The following ATXN7L1 variants were observed in gnomAD, a reference collection of about 807,000 sequenced individuals.
ATXN7L1 encodes the protein ataxin 7 like 1, also known as ataxin-7-like protein 1.
Under a neutral mutation model 70.8 loss-of-function variants are expected in ATXN7L1, and 15 were observed. That is an observed-to-expected ratio of 0.21 (90% confidence interval 0.14 to 0.33). ATXN7L1 has a LOEUF of 0.33. ATXN7L1 is among the 10% of genes least tolerant of loss of function. The pLI is 1.00. For synonymous variants in ATXN7L1, 440 were observed against 445.1 expected (o/e 0.99, Z 0.14); for missense variants, 975 against 1,097.1 (o/e 0.89, Z 1.57).
chr7:105,723,384 T>C (rs901029804), intron 3 of ATXN7L1, among the ~76,000 whole-genome samples: 3 of 152,220 alleles, frequency 2.0e-5, no homozygotes, highest in African/African-American at 4.8e-5. Flanking sequence ...ACACAGTATG[T>C]ATTCAATAAA....
chr7:105,755,817 T>G (rs1014505837), intron 3 of ATXN7L1, among the ~76,000 whole-genome samples: 1 of 152,210 alleles, frequency 6.6e-6, no homozygotes, highest in African/African-American at 2.4e-5. Context: ...AAATAAAGCA[T>G]GGGCACTGAA....
At chr7:105,721,357 G>A (rs117173039) in intron 3 of ATXN7L1, among the ~76,000 whole-genome samples, 1 of 152,336 alleles carries the variant, frequency 6.6e-6, no homozygotes, top group East Asian at 1.9e-4. Flanking sequence ...AAAGGGTTGG[G>A]TGGGGGACAA....
intron 3 of ATXN7L1, among the ~76,000 whole-genome samples, chr7:105,759,827 C>CTA (rs1172758551): frequency 2.0e-5 from 3 of 152,164 alleles, no homozygotes; most frequent in Non-Finnish European, 2.9e-5. Flanking sequence ...GTAATCTTAC[C>CTA]AATTTTGCCA....
At chr7:105,767,338 T>C (rs1186495711) in intron 3 of ATXN7L1, among the ~76,000 whole-genome samples, 1 of 152,034 alleles carries the variant, frequency 6.6e-6, no homozygotes, top group African/African-American at 2.4e-5. Flanking sequence ...CATAAGCCCC[T>C]ATACTCGCCA....
Position 105,610,594 on chromosome 7 carries a change from T to C in ATXN7L1, c.2482A>G (p.Asn828Asp). ...NSTSSRQVGK[N>D]SSLALSQSSP... The stretch of plus-strand genomic sequence containing the variant: ...GATTGTGACAAAGCTAGGCTGCTAT[T>C]TTTCCCAACCTGAAAGACACCATTG... The change falls in exon 11 of 12, where the codon AAT becomes GAT. Residue 828 changes from asparagine to aspartate, a missense_variant. By Grantham distance (23) the Asn-to-Asp change is conservative (BLOSUM62 1). This residue lies in a region of ATXN7L1 where 635 missense variants were observed against 699.4 expected (regional missense o/e 0.91). Transcript: ENST00000419735. 1.3e-6 allele frequency: 2 copies of C among 1,551,540 alleles called. No individual in the cohort carries two copies. Among genetic ancestry groups the C allele is most frequent in the Non-Finnish European group, 8.7e-7 (1 of 1,146,970 alleles).
At chr7:105,861,603 G>T (rs989609600) in intron 2 of ATXN7L1, among the ~76,000 whole-genome samples, 12 of 152,068 alleles carry the variant, frequency 7.9e-5, no homozygotes, top group African/African-American at 2.9e-4. Context: ...GGCACCCGGG[G>T]GTGGGATGAG....
rs542569117 is a variant in ATXN7L1 at position 105,703,095 on chromosome 7, A to G, written c.356-37807T>C. Among the ~76,000 whole-genome samples the G allele has an allele frequency of 3.2e-3, 494 of 152,200 alleles. 3 individuals are homozygous for G. Among genetic ancestry groups the G allele is most frequent in the Non-Finnish European group, 5.3e-3 (362 of 67,994 alleles). On this transcript the variant is annotated intron_variant, in intron 3 of 11. Transcript: ENST00000419735. ...CTTGCCACTGCACTCCAGCCTGGGC[A>G]ACAGAGCAAGACTCCGTCTCAAAAA...
intron 7 of ATXN7L1, 21 bp downstream of exon 7, chr7:105,638,332 T>C: frequency 6.5e-7 from 1 of 1,539,716 alleles, no homozygotes; most frequent in Non-Finnish European, 8.8e-7. Flanking sequence ...TCAGGGCTTC[T>C]ATCGTCAAGG....
In ATXN7L1 at chr7:105,695,067, C is replaced by T. The variant is rs1405986155; in HGVS notation, c.356-29779G>A. 4.0e-5 allele frequency among the ~76,000 whole-genome samples: 6 copies of T among 151,892 alleles called. No individual in the cohort carries two copies. The East Asian group carries it at 1.2e-3, about 29-fold the overall frequency. On this transcript the variant is annotated intron_variant, in intron 3 of 11. Transcript: ENST00000419735. ...TCAGGAGGCTGAGGCAGGAGAATTGCTTGAATCTGGGAGGCGGAGGTTGCA... is the reference window on the plus strand; with the variant it reads ...TCAGGAGGCTGAGGCAGGAGAATTGTTTGAATCTGGGAGGCGGAGGTTGCA...
chr7:105,767,050 T>C (rs1801358782), intron 3 of ATXN7L1, among the ~76,000 whole-genome samples: 1 of 152,126 alleles, frequency 6.6e-6, no homozygotes, highest in Non-Finnish European at 1.5e-5. Flanking sequence ...GAAGCAAGGG[T>C]TCCAGATGAC....
chr7:105,713,117 T>C (rs145261502), intron 3 of ATXN7L1, among the ~76,000 whole-genome samples: 2 of 152,230 alleles, frequency 1.3e-5, no homozygotes, highest in Non-Finnish European at 2.9e-5. Flanking sequence ...ATGGGGGAAG[T>C]GCTAGACACT....
chr7:105,613,768 T>C (rs1395996328), intron 10 of ATXN7L1, 94 bp downstream of exon 10: 2 of 1,542,674 alleles, frequency 1.3e-6, no homozygotes, highest in African/African-American at 1.4e-5. Context: ...ATCAAGCTTG[T>C]GTTACCTGTC....
intron 3 of ATXN7L1, among the ~76,000 whole-genome samples, chr7:105,704,585 T>A (rs1008093519): frequency 4.5e-5 from 3 of 67,040 alleles, no homozygotes; most frequent in African/African-American, 1.1e-4. Flanking sequence ...GTTTTATCTC[T>A]TTTTTTTTTT....
chr7:105,814,245 C>A (rs1210494079), intron 2 of ATXN7L1, among the ~76,000 whole-genome samples: 1 of 152,148 alleles, frequency 6.6e-6, no homozygotes. Context: ...TGATGGCCCC[C>A]TGAAATTGAC....
Position 105,607,798 on chromosome 7 carries a change from C to T in ATXN7L1, c.*54G>A, listed in dbSNP as rs1792823410. The T allele has an allele frequency of 1.3e-6, 2 of 1,514,250 alleles. No individual in the cohort carries two copies. Among genetic ancestry groups the T allele is most frequent in the Non-Finnish European group, 1.8e-6 (2 of 1,112,678 alleles). The allele number at this position is 1,514,250 out of a possible 1,614,324, so 93.8% of individuals were successfully genotyped here. A position where few individuals can be genotyped will look rare whatever the true frequency, so the allele number is the denominator to read the frequency against. ...CCTCCCTCCTCCTCCCCATGGCCTC[C>T]TCGGATGGGATTAGGTGGCCTGGAA... On this transcript the variant is annotated 3_prime_UTR_variant, in exon 12 of 12. Coordinates refer to ENST00000419735, the MANE Select transcript of ATXN7L1 (RefSeq NM_020725.2).
chr7:105,721,535 C>T (rs917666590), intron 3 of ATXN7L1, among the ~76,000 whole-genome samples: 3 of 152,232 alleles, frequency 2.0e-5, no homozygotes, highest in African/African-American at 7.2e-5. Flanking sequence ...TGCTCACAGC[C>T]ACGCCTGAGG....
intron 3 of ATXN7L1, among the ~76,000 whole-genome samples, chr7:105,767,794 C>T (rs781283358): frequency 4.6e-5 from 7 of 152,138 alleles, no homozygotes; most frequent in Non-Finnish European, 7.3e-5. Flanking sequence ...GCTGCCTCTC[C>T]GATAGAAAGC....
chr7:105,685,041 GATGATAATAATAATA>G (rs1805988879), intron 3 of ATXN7L1, among the ~76,000 whole-genome samples: 3 of 99,760 alleles, frequency 3.0e-5, no homozygotes, highest in African/African-American at 1.1e-4. Flanking sequence ...ACAGAGAAGA[GATGATAATAATAATA>G]ATAATAATAA....
At chr7:105,761,606 G>C in intron 3 of ATXN7L1, 1 of 1,041,532 alleles carries the variant, frequency 9.6e-7, no homozygotes, top group South Asian at 1.6e-5. Flanking sequence ...GCGTCTTCAT[G>C]ATCTTGTTCT....
Sources: allele counts gnomAD v4.1 joint callset (sites outside exome capture counted in the v4.1 genomes callset), GRCh38; gene constraint gnomAD v4.1.1; regional missense constraint gnomAD v4.1.1; transcripts MANE v1.5; gene names NCBI Gene and HGNC (gene_info 2026-07-23, HGNC 2026-07-21).